Variants in STRIP2 observed in about 807,000 individuals in gnomAD.
STRIP2 encodes striatin interacting protein 2, also known as striatin-interacting protein 2.
A neutral mutation model predicts 107.1 loss-of-function variants in STRIP2; 84 were observed. The observed-to-expected ratio is 0.78, with a 90% CI of 0.66 to 0.94. The LOEUF is 0.94. Ranked by LOEUF, STRIP2 falls within the 40% of genes least tolerant of loss-of-function variation. The probability of loss-of-function intolerance (pLI) is 0.00; values close to 1 mark genes in which losing one functional copy is unlikely to be tolerated. For synonymous variants in STRIP2, 394 were observed against 400.4 expected, an observed-to-expected ratio of 0.98 and a Z score of 0.19; for missense variants, 888 against 1,034.2, an observed-to-expected ratio of 0.86 and a Z score of 1.94.
At chr7:129,478,338 C>G (rs1056000374) in intron 18 of STRIP2, among the ~76,000 whole-genome samples, 11 of 152,198 alleles carry the variant, frequency 7.2e-5, no homozygotes, top group African/African-American at 2.6e-4. Flanking sequence ...GGTGAAACCC[C>G]ATCTCTACTA....
At chr7:129,442,003 A>C (rs772309857) in intron 2 of STRIP2, among the ~76,000 whole-genome samples, 2 of 152,168 alleles carry the variant, frequency 1.3e-5, no homozygotes, top group African/African-American at 4.8e-5. Context: ...CGAAGTGGGT[A>C]GATCACCTGT....
At chr7:129,479,652 G>A (rs1799068167) in intron 18 of STRIP2, among the ~76,000 whole-genome samples, 1 of 151,804 alleles carries the variant, frequency 6.6e-6, no homozygotes, top group South Asian at 2.1e-4. Flanking sequence ...ACCATGCCCA[G>A]CTAATTTTTT....
At chr7:129,482,515 T>G (rs1212364065) in intron 19 of STRIP2, among the ~76,000 whole-genome samples, 1 of 151,440 alleles carries the variant, frequency 6.6e-6, no homozygotes, top group Non-Finnish European at 1.5e-5. Flanking sequence ...GTAGCTGGGA[T>G]TACAGGCCCA....
chr7:129,434,748 ACTCTGGG>A, intron 1 of STRIP2, 147 bp downstream of exon 1: 1 of 1,044,280 alleles, frequency 9.6e-7, no homozygotes, highest in Non-Finnish European at 1.3e-6. Flanking sequence ...TAGCGGCTGA[ACTCTGGG>A]CTCTTTGGCC....
Position 129,468,278 on chromosome 7 carries a change from A to G in STRIP2, c.1877+828A>G, listed in dbSNP as rs549128624. ...TTGGGGTGACTAGAGATATTGCCAC[A>G]CTAGTTTGTCAGTACTGCCTGAAAT... is the stretch of plus-strand genomic sequence containing the variant. On this transcript the variant is annotated intron_variant, in intron 17 of 20. Coordinates refer to ENST00000249344, the MANE Select transcript of STRIP2 (RefSeq NM_020704.3). Among the ~76,000 whole-genome samples the G allele has an allele frequency of 7.2e-5, 11 of 152,356 alleles. No homozygotes were observed. In the South Asian group the frequency reaches 2.3e-3, roughly 32 times the overall value.
In STRIP2 at chr7:129,454,215, G is replaced by A. The variant is rs1009307304; in HGVS notation, c.599+5G>A. ...AGCTGATAGCACAGAGCTCAGGTGA[G>A]TGGGGCTAACTATGGGCTTGGAACA... On this transcript the variant is annotated splice_donor_5th_base_variant and intron_variant, in intron 6 of 20. Transcript: ENST00000249344. 9 of 1,613,932 alleles carry A rather than the reference G, an allele frequency of 5.6e-6. No individual in the cohort carries two copies. The highest frequency in any genetic ancestry group is 7.6e-6 in the Non-Finnish European group (9 of 1,179,960).
At position 129,482,915 on chromosome 7, in the gene STRIP2, A is replaced by G. The variant is rs751877170; in HGVS notation, c.2123A>G (p.Tyr708Cys). ...GTCAAACAGGCCATGCTGCAACTTT[A>G]TGTCCTAAAGCTACTAAAGTTACAG... ...LKVKQAMLQL[Y>C]VLKLLKLQTK... Residue 708 changes from tyrosine (Y) to cysteine (C), a missense_variant, in exon 20 of 21, where the codon TAT (tyrosine) becomes TGT (cysteine). Physicochemically the swap from Tyr to Cys is radical, Grantham distance 194. Transcript: ENST00000249344. 2 of 1,614,124 alleles carry G rather than the reference A, an allele frequency of 1.2e-6. No individual in the cohort carries two copies. Among genetic ancestry groups the G allele is most frequent in the East Asian group, 4.5e-5 (2 of 44,882 alleles).
At chr7:129,435,281 C>T (rs1222163233) in intron 1 of STRIP2, among the ~76,000 whole-genome samples, 1 of 152,206 alleles carries the variant, frequency 6.6e-6, no homozygotes, top group African/African-American at 2.4e-5. Context: ...TCTCTTCCTC[C>T]TCTCCTGAAA....
chr7:129,476,524 C>T (rs1798953187), intron 18 of STRIP2, among the ~76,000 whole-genome samples: 2 of 151,502 alleles, frequency 1.3e-5, no homozygotes, highest in East Asian at 2.0e-4. Flanking sequence ...AGAGACGCTC[C>T]TCAGCTCCCA....
At chr7:129,477,489 C>T (rs752440690) in intron 18 of STRIP2, among the ~76,000 whole-genome samples, 1 of 151,980 alleles carries the variant, frequency 6.6e-6, no homozygotes, top group Admixed American at 6.6e-5. Flanking sequence ...TTAGAATCTC[C>T]AGGATGATTT....
chr7:129,480,162 G>A (rs1188697254), intron 18 of STRIP2, among the ~76,000 whole-genome samples: 4 of 152,168 alleles, frequency 2.6e-5, no homozygotes, highest in Non-Finnish European at 5.9e-5. Context: ...TCTATGAGTA[G>A]ATACCTGCTT....
chr7:129,455,439 G>A (rs971217773), intron 8 of STRIP2, 68 bp downstream of exon 8: 1 of 1,547,034 alleles, frequency 6.5e-7, no homozygotes, highest in African/African-American at 1.4e-5. Flanking sequence ...GTTTCTTCTA[G>A]TCTCATTCCA....
chr7:129,480,808 C>G lies in STRIP2; in HGVS notation c.1968C>G (p.Phe656Leu). ...AGGAAGCTGGAGACAACAGCCAGTT[C>G]TGCTGGAGGAACCTCTTTTCCTGCA... Reference protein sequence around the residue: ...ESLEAGDNSQFCWRNLFSCIN... With the variant: ...ESLEAGDNSQLCWRNLFSCIN... The change falls in exon 19 of 21, where the codon TTC becomes TTG. Residue 656 changes from phenylalanine to leucine, a missense_variant. Physicochemically the swap from Phe to Leu is conservative, Grantham distance 22. Coordinates refer to ENST00000249344, the MANE Select transcript of STRIP2 (RefSeq NM_020704.3). 6.2e-7 allele frequency: 1 copy of G among 1,613,918 alleles called. No individual in the cohort carries two copies. The highest frequency in any genetic ancestry group is 8.5e-7 in the Non-Finnish European group (1 of 1,179,922).
intron 3 of STRIP2, among the ~76,000 whole-genome samples, chr7:129,447,753 G>T (rs1798076269): frequency 6.6e-6 from 1 of 152,244 alleles, no homozygotes; most frequent in South Asian, 2.1e-4. Flanking sequence ...GGTACCAGAA[G>T]ATGTGTTAAT....
rs1479631595 is a variant in STRIP2, at chr7:129,434,510, C to T, written c.38C>T (p.Pro13Leu). ...GCCGCGCCTGGGACCGGGGGCCCGC[C>T]CGCAAATGGCAATGGCAACGGCGGC... is the stretch of plus-strand genomic sequence containing the variant. ...DPAAPGTGGP[P>L]ANGNGNGGGK... The change falls in exon 1 of 21, where the codon CCC becomes CTC. Residue 13 changes from proline (P) to leucine (L), a missense_variant. Pro to Leu is a moderately conservative substitution (Grantham distance 98). Coordinates refer to ENST00000249344, the MANE Select transcript of STRIP2 (RefSeq NM_020704.3). 1 of 1,518,182 alleles carries T rather than the reference C, an allele frequency of 6.6e-7. No individual in the cohort carries two copies. The highest frequency in any genetic ancestry group is 8.8e-7 in the Non-Finnish European group (1 of 1,140,260). The allele number at this position is 1,518,182 out of a possible 1,614,324, so 94.0% of individuals were successfully genotyped here.
intron 1 of STRIP2, among the ~76,000 whole-genome samples, chr7:129,439,672 C>A (rs1797845503): frequency 6.6e-6 from 1 of 152,186 alleles, no homozygotes; most frequent in Non-Finnish European, 1.5e-5. Context: ...CTCTTTGTTT[C>A]TGTCTGTCTC....
chr7:129,446,084 A>G lies in STRIP2; in HGVS notation c.274+1986A>G, dbSNP rs559282708. On this transcript the variant is annotated intron_variant, in intron 3 of 20. Coordinates refer to ENST00000249344, the MANE Select transcript of STRIP2 (RefSeq NM_020704.3). Reference sequence around the variant, plus strand: ...CTCAGCAGTGGCCGTAGCCAGGTCAACCTTGGTGAGTGGAAGTCCATGTTA... The same window carrying G: ...CTCAGCAGTGGCCGTAGCCAGGTCAGCCTTGGTGAGTGGAAGTCCATGTTA... Among the ~76,000 whole-genome samples, 31 of 152,234 alleles carry G rather than the reference A, an allele frequency of 2.0e-4. No individual in the cohort carries two copies. In the East Asian group the frequency reaches 5.6e-3, roughly 27 times the overall value.
At chr7:129,480,672 T>C in intron 18 of STRIP2, 113 bp from the exon 19 acceptor site, 2 of 768,838 alleles carry the variant, frequency 2.6e-6, no homozygotes, top group Non-Finnish European at 4.3e-6. Context: ...GGTGAGGAGG[T>C]ATTATTTCAT....
At chr7:129,479,399 A>G (rs1281363530) in intron 18 of STRIP2, among the ~76,000 whole-genome samples, 1 of 152,188 alleles carries the variant, frequency 6.6e-6, no homozygotes, top group Non-Finnish European at 1.5e-5. Flanking sequence ...AAAGTCCCAT[A>G]GAAGTTTTCC....
Sources: allele counts gnomAD v4.1 joint callset (sites outside exome capture counted in the v4.1 genomes callset), GRCh38; gene constraint gnomAD v4.1.1; transcripts MANE v1.5; gene names NCBI Gene and HGNC (gene_info 2026-07-23, HGNC 2026-07-21).